BNC2: variants seen among roughly 807,000 people sequenced by gnomAD.
The protein encoded by BNC2 is zinc finger protein basonuclin-2.
Under a neutral mutation model 76.3 loss-of-function variants are expected in BNC2, and 20 were observed. That is an observed-to-expected ratio of 0.26 (90% confidence interval 0.18 to 0.38). The LOEUF is 0.38. Among genes scored for constraint, BNC2 ranks in the 10% least tolerant of loss-of-function variants. The pLI is 1.00. For synonymous variants in BNC2, 582 were observed against 514.8 expected (o/e 1.13, Z -1.77); for missense variants, 1,382 against 1,399.8 (o/e 0.99, Z 0.20).
At chr9:16,786,739 C>T (rs1463188687) in intron 1 of BNC2, among the ~76,000 whole-genome samples, 1 of 152,124 alleles carries the variant, frequency 6.6e-6, no homozygotes, top group African/African-American at 2.4e-5. Flanking sequence ...TGGGAACCCA[C>T]AGGATGACTG....
chr9:16,647,389 AG>A (rs1357789558), intron 3 of BNC2, among the ~76,000 whole-genome samples: 4 of 152,176 alleles, frequency 2.6e-5, no homozygotes, highest in African/African-American at 7.2e-5. Flanking sequence ...GGGAGACCAC[AG>A]GAAGAATAAC....
At chr9:16,505,154 T>C (rs1822598918) in intron 5 of BNC2, among the ~76,000 whole-genome samples, 1 of 152,132 alleles carries the variant, frequency 6.6e-6, no homozygotes. Flanking sequence ...ATAAATGAGA[T>C]AAAATGTATA....
chr9:16,690,027 A>G (rs17740716), intron 3 of BNC2, among the ~76,000 whole-genome samples: 4,265 of 152,354 alleles, frequency 0.028, 70 homozygotes, highest in South Asian at 0.081. Flanking sequence ...CAGAGTATGC[A>G]GTTAAATTAT....
intron 4 of BNC2, among the ~76,000 whole-genome samples, chr9:16,576,431 T>G (rs1819487684): frequency 1.3e-5 from 2 of 152,150 alleles, no homozygotes; most frequent in Non-Finnish European, 2.9e-5. Flanking sequence ...GAAAAGAGAT[T>G]GGCAAGGAAA....
At chr9:16,495,363 C>T (rs1037452204) in intron 5 of BNC2, among the ~76,000 whole-genome samples, 3 of 152,188 alleles carry the variant, frequency 2.0e-5, no homozygotes, top group Non-Finnish European at 2.9e-5. Flanking sequence ...GCCATGAACT[C>T]TGAGGATTTG....
At chr9:16,439,664 G>A (rs774332036) in intron 5 of BNC2, among the ~76,000 whole-genome samples, 1 of 152,156 alleles carries the variant, frequency 6.6e-6, no homozygotes, top group Non-Finnish European at 1.5e-5. Flanking sequence ...CTGCCCTATG[G>A]TCTGAATCAT....
rs1820505646 is a variant in BNC2 at position 16,412,961 on chromosome 9, C to G, written c.*6028G>C. The G allele has an allele frequency of 6.5e-6, 1 of 152,678 alleles. No individual in the cohort carries two copies. The highest frequency in any genetic ancestry group is 2.1e-4 in the South Asian group (1 of 4,828). The allele number at this position is 152,678 out of a possible 1,614,324, so 9.5% of individuals were successfully genotyped here. A position where few individuals can be genotyped will look rare whatever the true frequency, so the allele number is the denominator to read the frequency against. Reference sequence around the variant, plus strand: ...CCAGGGCAATAAGTAGCCAGGAGAGCTGGGCTGAAGCAGAGAGGGTGTTGT... The same window carrying G: ...CCAGGGCAATAAGTAGCCAGGAGAGGTGGGCTGAAGCAGAGAGGGTGTTGT... On this transcript the variant is annotated 3_prime_UTR_variant, in exon 7 of 7. Coordinates refer to ENST00000380672, the MANE Select transcript of BNC2 (RefSeq NM_017637.6).
At chr9:16,540,140 G>A (rs1039356157) in intron 5 of BNC2, among the ~76,000 whole-genome samples, 1 of 146,950 alleles carries the variant, frequency 6.8e-6, no homozygotes, top group Non-Finnish European at 1.5e-5. Context: ...CCGCAACCAT[G>A]CAACTATTTA....
At chr9:16,786,887 C>T (rs969231854) in intron 1 of BNC2, among the ~76,000 whole-genome samples, 12 of 152,136 alleles carry the variant, frequency 7.9e-5, no homozygotes, top group African/African-American at 2.9e-4. Context: ...CCCAAACCCA[C>T]GTGGTTGGGC....
At chr9:16,605,580 A>G (rs1016197305) in intron 3 of BNC2, among the ~76,000 whole-genome samples, 1 of 152,186 alleles carries the variant, frequency 6.6e-6, no homozygotes, top group African/African-American at 2.4e-5. Context: ...GCTACATAAA[A>G]CTGTTTTCCA....
intron 3 of BNC2, among the ~76,000 whole-genome samples, chr9:16,613,590 T>G (rs1357547604): frequency 6.6e-6 from 1 of 152,208 alleles, no homozygotes; most frequent in African/African-American, 2.4e-5. Context: ...ATTTTTCAAT[T>G]ACTGAGATTG....
At chr9:16,738,297 A>T (rs1377909914) in intron 2 of BNC2, 63 bp downstream of exon 2, 2 of 1,545,192 alleles carry the variant, frequency 1.3e-6, no homozygotes, top group Non-Finnish European at 1.8e-6. Flanking sequence ...TATCTTAACT[A>T]GGTAATCAAA....
In BNC2 at chr9:16,791,350, C is replaced by T. The variant is rs538010268; in HGVS notation, c.4-52865G>A. ...TGCTAGGATTACAGGCATGAGCCAC[C>T]GCGCCCGGCCACAATTATAGTTAAT... On this transcript the variant is annotated intron_variant, in intron 1 of 6. Transcript: ENST00000380672. Among the ~76,000 whole-genome samples the T allele has an allele frequency of 1.7e-3, 254 of 152,234 alleles. 2 individuals carry two copies. Among genetic ancestry groups the T allele is most frequent in the Non-Finnish European group, 2.5e-3 (168 of 68,022 alleles).
At chr9:16,595,707 T>C (rs886133954) in intron 3 of BNC2, among the ~76,000 whole-genome samples, 3 of 152,122 alleles carry the variant, frequency 2.0e-5, no homozygotes, top group African/African-American at 7.2e-5. Context: ...AAAATTATTC[T>C]CTTTTTTCTT....
At chr9:16,482,446 A>C (rs1822076783) in intron 5 of BNC2, among the ~76,000 whole-genome samples, 1 of 151,328 alleles carries the variant, frequency 6.6e-6, no homozygotes, top group Non-Finnish European at 1.5e-5. Context: ...AGAAACTCAA[A>C]CTAATAGGCA....
At chr9:16,471,883 G>A (rs1239034075) in intron 5 of BNC2, among the ~76,000 whole-genome samples, 1 of 152,014 alleles carries the variant, frequency 6.6e-6, no homozygotes, top group Non-Finnish European at 1.5e-5. Flanking sequence ...CATGGGGGCG[G>A]GTCTTTGCCG....
In BNC2 at chr9:16,617,208, T is replaced by C. The variant is rs544202444; in HGVS notation, c.331-34123A>G. On this transcript the variant is annotated intron_variant, in intron 3 of 6. Coordinates refer to ENST00000380672, the MANE Select transcript of BNC2 (RefSeq NM_017637.6). ...GGCCCTGCAATCAAAATGAGGTACTTCTTATAGAACAAACAAACAAACAAA... is the reference window on the plus strand; with the variant it reads ...GGCCCTGCAATCAAAATGAGGTACTCCTTATAGAACAAACAAACAAACAAA... Among the ~76,000 whole-genome samples, 3 of 152,242 alleles carry C rather than the reference T, an allele frequency of 2.0e-5. No homozygotes were observed. The South Asian group carries it at 6.2e-4, about 32-fold the overall frequency.
chr9:16,839,155 A>G (rs1818771765), intron 1 of BNC2, among the ~76,000 whole-genome samples: 1 of 152,236 alleles, frequency 6.6e-6, no homozygotes, highest in Admixed American at 6.5e-5. Flanking sequence ...GATAAAAGAC[A>G]CTAGAAACTT....
chr9:16,760,585 TC>T (rs1460867657), intron 1 of BNC2, among the ~76,000 whole-genome samples: 4 of 152,104 alleles, frequency 2.6e-5, no homozygotes, highest in Non-Finnish European at 5.9e-5. Flanking sequence ...TACCAGGAGA[TC>T]CCCAGTAATC....
Sources: gnomAD v4.1 joint callset for allele counts (sites outside exome capture counted in the v4.1 genomes callset) on GRCh38, gnomAD v4.1.1 for gene constraint, MANE v1.5 for transcripts, NCBI Gene and HGNC (gene_info 2026-07-23, HGNC 2026-07-21) for gene names.